The following CMTM8 variants were observed in gnomAD, a reference collection of about 807,000 sequenced individuals.
CMTM8 encodes CKLF-like MARVEL transmembrane domain-containing protein 8.
In CMTM8, 12 loss-of-function variants were observed where a neutral mutation model predicts 18.6. That is an observed-to-expected ratio of 0.65 (90% CI 0.41 to 1.05). The LOEUF is 1.05. CMTM8 is among the 50% of genes least tolerant of loss of function. The pLI is 0.00. For synonymous variants in CMTM8, 87 were observed against 90.6 expected, an observed-to-expected ratio of 0.96 and a Z score of 0.23; for missense variants, 217 against 227.2, an observed-to-expected ratio of 0.95 and a Z score of 0.29.
chr3:32,259,631 G>C, intron 1 of CMTM8: 1 of 1,336,772 alleles, frequency 7.5e-7, no homozygotes, highest in East Asian at 2.3e-5. Context: ...TGCCAGCTCT[G>C]GGTTGACCGT....
In CMTM8 at chr3:32,268,952, T is replaced by G. The variant is rs188299686; in HGVS notation, c.147+29833T>G. On this transcript the variant is annotated intron_variant, in intron 1 of 3. Transcript: ENST00000307526. ...CTTTATTGTGTGTTTATAACCTGCCTTGTTTCCAGAAAGGGCTTCAGGTAG... is the reference window on the plus strand; with the variant it reads ...CTTTATTGTGTGTTTATAACCTGCCGTGTTTCCAGAAAGGGCTTCAGGTAG... Among the ~76,000 whole-genome samples the G allele has an allele frequency of 1.9e-3, 292 of 152,336 alleles. 1 individual carries two copies. Among genetic ancestry groups the G allele is most frequent in the African/African-American group, 6.7e-3 (277 of 41,572 alleles).
At chr3:32,298,995 C>T (rs185914152) in intron 1 of CMTM8, among the ~76,000 whole-genome samples, 184 of 141,562 alleles carry the variant, frequency 1.3e-3, no homozygotes, top group Admixed American at 1.6e-3. Flanking sequence ...GCTATGTTGC[C>T]CAAGCCGCTC....
At chr3:32,273,472 A>G (rs1254980271) in intron 1 of CMTM8, among the ~76,000 whole-genome samples, 2 of 152,266 alleles carry the variant, frequency 1.3e-5, no homozygotes, top group African/African-American at 4.8e-5. Context: ...ATGGATAAAC[A>G]GAATACCCGT....
intron 1 of CMTM8, among the ~76,000 whole-genome samples, chr3:32,281,284 A>C (rs1368420584): frequency 6.6e-6 from 1 of 152,234 alleles, no homozygotes; most frequent in African/African-American, 2.4e-5. Context: ...CATTAATAAA[A>C]GTTGGAAGAG....
intron 1 of CMTM8, among the ~76,000 whole-genome samples, chr3:32,302,771 T>C (rs1213123693): frequency 6.6e-6 from 1 of 152,210 alleles, no homozygotes; most frequent in Non-Finnish European, 1.5e-5. Context: ...TGGAAACCTG[T>C]GCGCACACAC....
intron 1 of CMTM8, among the ~76,000 whole-genome samples, chr3:32,319,836 C>T (rs1696007779): frequency 6.6e-6 from 1 of 152,202 alleles, no homozygotes; most frequent in South Asian, 2.1e-4. Flanking sequence ...GAGGAAACAA[C>T]CCTTGGAAGT....
At chr3:32,306,816 A>G (rs182614336) in intron 1 of CMTM8, among the ~76,000 whole-genome samples, 3 of 152,286 alleles carry the variant, frequency 2.0e-5, no homozygotes, top group Admixed American at 2.0e-4. Context: ...TCTTGGCAAT[A>G]GTGTGAGGGT....
intron 1 of CMTM8, among the ~76,000 whole-genome samples, chr3:32,338,303 T>C (rs1380404576): frequency 6.6e-6 from 1 of 152,178 alleles, no homozygotes; most frequent in Middle Eastern, 3.4e-3. Flanking sequence ...AGTAAAAGCA[T>C]GCCAACCTCT....
At chr3:32,292,054 C>A (rs1176366537) in intron 1 of CMTM8, among the ~76,000 whole-genome samples, 3 of 152,212 alleles carry the variant, frequency 2.0e-5, no homozygotes, top group Non-Finnish European at 4.4e-5. Flanking sequence ...CACCTTCTAT[C>A]CGGATCAACC....
At chr3:32,287,522 TG>T (rs1218799239) in intron 1 of CMTM8, among the ~76,000 whole-genome samples, 13 of 152,186 alleles carry the variant, frequency 8.5e-5, no homozygotes, top group Admixed American at 7.2e-4. Flanking sequence ...TAATATAGGT[TG>T]GGTGAAATCT....
At chr3:32,304,356 C>A (rs557865364) in intron 1 of CMTM8, among the ~76,000 whole-genome samples, 1 of 152,310 alleles carries the variant, frequency 6.6e-6, no homozygotes, top group South Asian at 2.1e-4. Flanking sequence ...CTGATTGTAA[C>A]ATCCACTGAT....
chr3:32,342,620 G>T (rs1162178800), intron 1 of CMTM8, among the ~76,000 whole-genome samples: 2 of 152,176 alleles, frequency 1.3e-5, no homozygotes, highest in African/African-American at 4.8e-5. Context: ...CTGACATCGT[G>T]TTGGCATTAT....
At chr3:32,368,190 C>T (rs1343656067) in intron 3 of CMTM8, among the ~76,000 whole-genome samples, 1 of 152,216 alleles carries the variant, frequency 6.6e-6, no homozygotes, top group Non-Finnish European at 1.5e-5. Flanking sequence ...GGCTGGGAGA[C>T]TGCTTGAGTG....
At chr3:32,327,222 T>A (rs1696180210) in intron 1 of CMTM8, among the ~76,000 whole-genome samples, 1 of 152,170 alleles carries the variant, frequency 6.6e-6, no homozygotes, top group Admixed American at 6.6e-5. Flanking sequence ...TCCTTCCAAA[T>A]AGGATTGTAT....
At chr3:32,264,944 T>C (rs963504933) in intron 1 of CMTM8, among the ~76,000 whole-genome samples, 23 of 152,248 alleles carry the variant, frequency 1.5e-4, no homozygotes, top group African/African-American at 4.6e-4. Context: ...AGCACCCAGA[T>C]TCATAAAGCA....
intron 1 of CMTM8, among the ~76,000 whole-genome samples, chr3:32,250,097 T>G (rs1397882046): frequency 6.6e-6 from 1 of 152,208 alleles, no homozygotes; most frequent in Non-Finnish European, 1.5e-5. Flanking sequence ...CATATGGATA[T>G]CAATTGTCCC....
chr3:32,283,646 T>C (rs775341639), intron 1 of CMTM8, among the ~76,000 whole-genome samples: 8 of 152,190 alleles, frequency 5.3e-5, no homozygotes, highest in Non-Finnish European at 1.2e-4. Flanking sequence ...TGTCTGCCTT[T>C]CAGGATTTAT....
chr3:32,282,498 A>G (rs1702622728), intron 1 of CMTM8, among the ~76,000 whole-genome samples: 1 of 152,100 alleles, frequency 6.6e-6, no homozygotes, highest in Non-Finnish European at 1.5e-5. Context: ...AAAAATATAT[A>G]CCCAGAATGT....
intron 1 of CMTM8, among the ~76,000 whole-genome samples, chr3:32,245,112 C>A (rs1209013546): frequency 6.6e-6 from 1 of 152,094 alleles, no homozygotes; most frequent in Non-Finnish European, 1.5e-5. Context: ...CCCATTGATT[C>A]TTTATCTGGG....
Sources: gnomAD v4.1 joint callset for allele counts (sites outside exome capture counted in the v4.1 genomes callset) on GRCh38, gnomAD v4.1.1 for gene constraint, MANE v1.5 for transcripts, NCBI Gene and HGNC (gene_info 2026-07-23, HGNC 2026-07-21) for gene names.